Variants in PAK1 observed in about 807,000 individuals in gnomAD.
PAK1 encodes p21 (RAC1) activated kinase 1.
A neutral mutation model predicts 67.4 loss-of-function variants in PAK1; 29 were observed. That is an observed-to-expected ratio of 0.43 (90% CI 0.32 to 0.59). The LOEUF (loss-of-function observed/expected upper bound fraction) is 0.59. PAK1 is among the 20% of genes least tolerant of loss of function. The pLI is 0.07. For synonymous variants in PAK1, 223 were observed against 237.4 expected (o/e 0.94, Z 0.56); for missense variants, 337 against 670.7 (o/e 0.50, Z 5.50).
At chr11:77,338,330 C>T (rs1280368794) in intron 11 of PAK1, among the ~76,000 whole-genome samples, 3 of 152,138 alleles carry the variant, frequency 2.0e-5, no homozygotes, top group Non-Finnish European at 2.9e-5. Context: ...TAACCTAATA[C>T]TTTACTTTCT....
At chr11:77,500,600 C>T in the PAK1 span, among the ~76,000 whole-genome samples, 1 of 152,130 alleles carries the variant, frequency 6.6e-6, no homozygotes, top group Non-Finnish European at 1.5e-5. Context: ...AATCTCAGCA[C>T]TTTGGGAAGC....
At chr11:77,380,089 G>T (rs1433714459) in intron 2 of PAK1, 95 bp from the exon 3 acceptor site, 3 of 804,894 alleles carry the variant, frequency 3.7e-6, no homozygotes, top group Non-Finnish European at 6.0e-6. Context: ...CTCCTTGAGA[G>T]GGCAAAGTCT....
At chr11:77,396,084 T>G (rs1438610050) in intron 1 of PAK1, among the ~76,000 whole-genome samples, 1 of 152,146 alleles carries the variant, frequency 6.6e-6, no homozygotes, top group Admixed American at 6.6e-5. Flanking sequence ...CAGCCCACGA[T>G]TATGCCAACA....
chr11:77,466,519 C>T (rs1027725385), intron 1 of PAK1, among the ~76,000 whole-genome samples: 3 of 151,792 alleles, frequency 2.0e-5, no homozygotes, highest in Non-Finnish European at 2.9e-5. Flanking sequence ...AGGGGAATGG[C>T]GTGAACCCGG....
At chr11:77,439,232 A>G (rs1000660135) in intron 1 of PAK1, among the ~76,000 whole-genome samples, 6 of 152,254 alleles carry the variant, frequency 3.9e-5, no homozygotes, top group African/African-American at 9.6e-5. Context: ...TAGAAGCCCT[A>G]TAGAGGAGCA....
chr11:77,486,857 T>C, the PAK1 span, among the ~76,000 whole-genome samples: 43 of 103,334 alleles, frequency 4.2e-4, no homozygotes, highest in Non-Finnish European at 2.9e-4. Flanking sequence ...TAAGTAAACT[T>C]GAGAGGCAGT....
chr11:77,501,561 T>C, the PAK1 span, among the ~76,000 whole-genome samples: 1 of 152,166 alleles, frequency 6.6e-6, no homozygotes, highest in Admixed American at 6.5e-5. Context: ...CAGTGATCCA[T>C]ACAAGTGACC....
At chr11:77,379,447 A>C in intron 3 of PAK1, 59 bp from the exon 4 acceptor site, 1 of 1,530,244 alleles carries the variant, frequency 6.5e-7, no homozygotes, top group East Asian at 2.3e-5. Context: ...GCCTGAAAGA[A>C]CATCAGAGCT....
At chr11:77,521,504 G>A in the PAK1 span, among the ~76,000 whole-genome samples, 1 of 151,952 alleles carries the variant, frequency 6.6e-6, no homozygotes. Context: ...ACTCCAGCCT[G>A]GGCAACAAAA....
chr11:77,475,384 G>A (rs140494011), upstream of PAK1: 1 of 152,280 alleles, frequency 6.6e-6, no homozygotes, highest in African/African-American at 2.4e-5. Context: ...CTAGTTACCT[G>A]AGTAGCCTTA....
At chr11:77,349,160 G>T in intron 9 of PAK1, 79 bp downstream of exon 9, 87 of 841,846 alleles carry the variant, frequency 1.0e-4, no homozygotes, top group Middle Eastern at 2.3e-4. Flanking sequence ...TGTTCCTGTT[G>T]ACCTAACAAG....
rs1464682419 is a variant in PAK1 at position 77,421,808 on chromosome 11, G to A, written c.-21-29267C>T. On this transcript the variant is annotated intron_variant, in intron 1 of 14. Coordinates refer to ENST00000356341, the MANE Select transcript of PAK1 (RefSeq NM_002576.5). ...AACCAAAAAGAGAGACAGGGGAAGG[G>A]AGGAAGAAATGGAGAATTCTATAAG... Among the ~76,000 whole-genome samples, 3 of 152,214 alleles carry A rather than the reference G, an allele frequency of 2.0e-5. No homozygotes were observed. The East Asian group carries it at 5.8e-4, about 29-fold the overall frequency.
At chr11:77,338,704 A>C (rs1463143748) in intron 11 of PAK1, among the ~76,000 whole-genome samples, 1 of 152,178 alleles carries the variant, frequency 6.6e-6, no homozygotes, top group East Asian at 1.9e-4. Context: ...CCGAAAACAG[A>C]AACAACCCAA....
At chr11:77,337,208 T>A in intron 12 of PAK1, 116 bp downstream of exon 12, 1 of 543,418 alleles carries the variant, frequency 1.8e-6, no homozygotes, top group Non-Finnish European at 3.3e-6. Flanking sequence ...TCATATCCCA[T>A]GAAATCATAA....
chr11:77,476,758 G>C (rs1592614748), upstream of PAK1: 1 of 152,222 alleles, frequency 6.6e-6, no homozygotes, highest in Non-Finnish European at 1.5e-5. Context: ...GCCGAGGCGG[G>C]TGTATCACCT....
At chr11:77,349,007 C>T (rs571484136) in intron 9 of PAK1, among the ~76,000 whole-genome samples, 1 of 152,014 alleles carries the variant, frequency 6.6e-6, no homozygotes, top group African/African-American at 2.4e-5. Flanking sequence ...TTCCTATAAT[C>T]CCAGCTACTC....
chr11:77,346,482 G>A (rs1387697878), intron 9 of PAK1, among the ~76,000 whole-genome samples: 1 of 152,192 alleles, frequency 6.6e-6, no homozygotes, highest in Non-Finnish European at 1.5e-5. Flanking sequence ...ATACATTGAA[G>A]ATAATCTCAA....
Position 77,425,583 on chromosome 11 carries a change from C to A in PAK1, c.-21-33042G>T, listed in dbSNP as rs555415812. Among the ~76,000 whole-genome samples the A allele has an allele frequency of 5.5e-4, 84 of 152,288 alleles. 1 individual carries two copies. The highest frequency in any genetic ancestry group is 1.0e-3 in the Non-Finnish European group (68 of 68,020). On this transcript the variant is annotated intron_variant, in intron 1 of 14. Transcript: ENST00000356341. ...CACCACAGCCACCATTATCTTCTGC[C>A]ACATACACATTTGTTATAACTCTTT...
chr11:77,392,297 A>G (rs1344590426), intron 2 of PAK1, 34 bp downstream of exon 2: 3 of 1,422,356 alleles, frequency 2.1e-6, no homozygotes, highest in Non-Finnish European at 2.9e-6. Flanking sequence ...TTTTTAAAGC[A>G]TATAAATGAT....
Sources: gnomAD v4.1 joint callset for allele counts (sites outside exome capture counted in the v4.1 genomes callset) on GRCh38, gnomAD v4.1.1 for gene constraint, MANE v1.5 for transcripts, NCBI Gene and HGNC (gene_info 2026-07-23, HGNC 2026-07-21) for gene names.